Variants in ANO3 observed in about 807,000 individuals in gnomAD.
ANO3 encodes anoctamin-3.
ANO3 carries 99 observed loss-of-function variants against 144.8 expected under a neutral mutation model. The ratio of observed to expected loss-of-function variants is 0.68; its 90% CI spans 0.58 to 0.81. The LOEUF (loss-of-function observed/expected upper bound fraction) is 0.81. ANO3 is among the 30% of genes least tolerant of loss of function. The probability of loss-of-function intolerance (pLI) is 0.00; values close to 1 mark genes in which losing one functional copy is unlikely to be tolerated. For missense variants in ANO3, 905 were observed against 1,202.2 expected, an observed-to-expected ratio of 0.75 and a Z score of 3.66; for synonymous variants, 414 against 392.6, an observed-to-expected ratio of 1.05 and a Z score of -0.64.
At chr11:26,658,558 TGAG>T (rs533680004) in intron 26 of ANO3, among the ~76,000 whole-genome samples, 2 of 152,014 alleles carry the variant, frequency 1.3e-5, no homozygotes, top group South Asian at 4.1e-4. Context: ...TGTGGTGAGC[TGAG>T]ATCACACCAT....
chr11:26,247,325 G>C (rs1470322787), intron 1 of ANO3, among the ~76,000 whole-genome samples: 1 of 152,144 alleles, frequency 6.6e-6, no homozygotes, highest in Non-Finnish European at 1.5e-5. Flanking sequence ...CTCACAACGT[G>C]CTATAATATT....
chr11:26,373,630 T>C (rs1020290898), intron 1 of ANO3, among the ~76,000 whole-genome samples: 9 of 152,192 alleles, frequency 5.9e-5, no homozygotes, highest in African/African-American at 1.9e-4. Context: ...CTTCTTACTT[T>C]TGTGATCCTC....
At chr11:26,252,108 T>C (rs1852941592) in intron 1 of ANO3, among the ~76,000 whole-genome samples, 1 of 152,218 alleles carries the variant, frequency 6.6e-6, no homozygotes, top group African/African-American at 2.4e-5. Flanking sequence ...ATGCAACATA[T>C]AAAATATTTT....
intron 4 of ANO3, among the ~76,000 whole-genome samples, chr11:26,489,966 G>A (rs538652394): frequency 6.6e-6 from 1 of 152,268 alleles, no homozygotes; most frequent in African/African-American, 2.4e-5. Context: ...TTAAGACTTT[G>A]GGGGACTGAG....
At position 26,263,742 on chromosome 11, in the gene ANO3, A is replaced by T. The variant is rs182705554; in HGVS notation, c.155-45903A>T. ...AAGCCCATGTTTTCTGAATGACTTC[A>T]GGGACTATATAATTCATTCACATCA... On this transcript the variant is annotated intron_variant, in intron 1 of 27. Transcript: ENST00000672621. 7.2e-5 allele frequency among the ~76,000 whole-genome samples: 11 copies of T among 152,364 alleles called. No individual in the cohort carries two copies. In the East Asian group the frequency reaches 1.9e-3, roughly 27 times the overall value.
At chr11:26,497,726 T>A (rs1366503471) in intron 4 of ANO3, among the ~76,000 whole-genome samples, 1 of 152,060 alleles carries the variant, frequency 6.6e-6, no homozygotes, top group Non-Finnish European at 1.5e-5. Context: ...AGGGAAAGTG[T>A]GGCATTTATG....
At chr11:26,474,310 T>A (rs1175808400) in intron 4 of ANO3, among the ~76,000 whole-genome samples, 3 of 151,966 alleles carry the variant, frequency 2.0e-5, no homozygotes, top group African/African-American at 7.2e-5. Flanking sequence ...GTGTTATTTT[T>A]AAAATATCTG....
upstream of ANO3, among the ~76,000 whole-genome samples, chr11:26,328,591 A>G (rs1341027767): frequency 6.6e-6 from 1 of 152,166 alleles, no homozygotes; most frequent in Non-Finnish European, 1.5e-5. Context: ...AGTGATGTAA[A>G]CATCAGAGTT....
Position 26,660,409 on chromosome 11 carries a change from A to G in ANO3, c.2911A>G (p.Lys971Glu). 3 of 1,613,166 alleles carry G rather than the reference A, an allele frequency of 1.9e-6. No individual in the cohort carries two copies. Among genetic ancestry groups the G allele is most frequent in the Non-Finnish European group, 2.5e-6 (3 of 1,179,482 alleles). ...GGAACATTTGCAACAACAACGGAGA[A>G]AAAGTGGTCAGCCTGTTCACCATGA... is the stretch of plus-strand genomic sequence containing the variant. ...ELEHLQQQRR[K>E]SGQPVHHEWP The change falls in exon 27 of 27, where the codon AAA becomes GAA. Residue 971 changes from lysine to glutamate, a missense_variant. Lys to Glu is a moderately conservative substitution (Grantham distance 56, BLOSUM62 1). This residue lies in a region of ANO3 where 597 missense variants were observed against 865.1 expected (regional missense o/e 0.69). Coordinates refer to ENST00000256737, the MANE Select transcript of ANO3 (RefSeq NM_031418.4).
At chr11:26,639,457 C>A (rs1853074009) in intron 21 of ANO3, among the ~76,000 whole-genome samples, 1 of 152,156 alleles carries the variant, frequency 6.6e-6, no homozygotes, top group Non-Finnish European at 1.5e-5. Flanking sequence ...ACCTCAAGAA[C>A]AGCTGTAAGG....
chr11:26,370,880 A>C (rs1248841023), intron 1 of ANO3, among the ~76,000 whole-genome samples: 1 of 152,222 alleles, frequency 6.6e-6, no homozygotes, highest in Non-Finnish European at 1.5e-5. Flanking sequence ...GCAGCAAATC[A>C]TTCAAGAAGA....
rs547820943 is a variant in ANO3 at position 26,371,395 on chromosome 11, C to G, written c.46+39074C>G. Among the ~76,000 whole-genome samples the G allele has an allele frequency of 2.0e-4, 31 of 152,328 alleles. No individual in the cohort carries two copies. In the South Asian group the frequency reaches 5.2e-3, roughly 25 times the overall value. On this transcript the variant is annotated intron_variant, in intron 1 of 26. Coordinates refer to ENST00000256737, the MANE Select transcript of ANO3 (RefSeq NM_031418.4). ...GCAGAAGTTTGCTGCAAGGATGGAG[C>G]CTTCATGGAGAACCTCTGCAGTGTG...
intron 4 of ANO3, among the ~76,000 whole-genome samples, chr11:26,507,333 A>G (rs1861474574): frequency 1.3e-5 from 2 of 152,230 alleles, no homozygotes; most frequent in Admixed American, 1.3e-4. Context: ...AGTAGGTCTT[A>G]TAAGGCAGGA....
chr11:26,299,645 A>G (rs183802579), intron 1 of ANO3, among the ~76,000 whole-genome samples: 10 of 152,148 alleles, frequency 6.6e-5, no homozygotes, highest in Non-Finnish European at 1.0e-4. Flanking sequence ...TTGTATGGTG[A>G]TGATAATTAT....
intron 1 of ANO3, among the ~76,000 whole-genome samples, chr11:26,379,240 T>A (rs1235761477): frequency 1.3e-5 from 2 of 152,196 alleles, no homozygotes; most frequent in African/African-American, 2.4e-5. Flanking sequence ...AGATCAAAGA[T>A]GTAGGTGGAC....
At chr11:26,420,128 C>T (rs924417369) in intron 1 of ANO3, among the ~76,000 whole-genome samples, 1 of 151,984 alleles carries the variant, frequency 6.6e-6, no homozygotes, top group Admixed American at 6.6e-5. Context: ...TTGCTAGTTA[C>T]TCTTAAGGGC....
At chr11:26,240,950 C>T (rs1316291350) in intron 1 of ANO3, among the ~76,000 whole-genome samples, 1 of 152,018 alleles carries the variant, frequency 6.6e-6, no homozygotes, top group Admixed American at 6.6e-5. Context: ...GGCTGTGTCC[C>T]CACTCAAATC....
intron 17 of ANO3, among the ~76,000 whole-genome samples, chr11:26,602,645 A>G (rs913802501): frequency 3.4e-5 from 5 of 146,926 alleles, no homozygotes; most frequent in African/African-American, 1.3e-4. Flanking sequence ...TCAACTACTC[A>G]GGAGGCTGAG....
chr11:26,202,243 ATATAT>A (rs895168066), intron 1 of ANO3, among the ~76,000 whole-genome samples: 7 of 146,020 alleles, frequency 4.8e-5, no homozygotes, highest in East Asian at 2.0e-4. Context: ...ATATATAAAT[ATATAT>A]TATATTATAT....
Sources: gnomAD v4.1 joint callset for allele counts (sites outside exome capture counted in the v4.1 genomes callset) on GRCh38, gnomAD v4.1.1 for gene constraint, gnomAD v4.1.1 regional missense constraint, MANE v1.5 for transcripts, NCBI Gene and HGNC (gene_info 2026-07-23, HGNC 2026-07-21) for gene names.